The following CHD6 variants were observed in gnomAD, a reference collection of about 807,000 sequenced individuals.
CHD6 encodes the protein ATP-dependent chromatin remodeler CHD6.
A neutral mutation model predicts 276.9 loss-of-function variants in CHD6; 50 were observed. The observed-to-expected ratio is 0.18, with a 90% CI of 0.14 to 0.23. CHD6 has a LOEUF of 0.23. Ranked by LOEUF, CHD6 falls within the 10% of genes least tolerant of loss-of-function variation. The probability of loss-of-function intolerance (pLI) is 1.00; values close to 1 mark genes in which losing one functional copy is unlikely to be tolerated. For synonymous variants in CHD6, 1,173 were observed against 1,229.3 expected (o/e 0.95, Z 0.96); for missense variants, 2,564 against 3,365.8 (o/e 0.76, Z 5.89).
chr20:41,518,065 A>G (rs369721172), intron 3 of CHD6, among the ~76,000 whole-genome samples: 97 of 152,338 alleles, frequency 6.4e-4, no homozygotes, highest in South Asian at 2.5e-3. Context: ...TCTCTTAGAA[A>G]AAGGTTTCTT....
intron 17 of CHD6, 79 bp from the exon 18 acceptor site, chr20:41,457,507 A>C (rs2048413158): frequency 1.3e-6 from 2 of 1,502,202 alleles, no homozygotes; most frequent in Non-Finnish European, 1.8e-6. Context: ...GGAGTGCTTA[A>C]ATGTCATGTG....
intron 2 of CHD6, among the ~76,000 whole-genome samples, chr20:41,549,504 GA>G (rs2045111027): frequency 1.1e-5 from 1 of 90,088 alleles, no homozygotes; most frequent in Non-Finnish European, 2.0e-5. Flanking sequence ...GGGGTGGGGG[GA>G]GGGGGGAGGG....
chr20:41,493,059 T>C (rs2043593872), intron 10 of CHD6, among the ~76,000 whole-genome samples: 1 of 152,204 alleles, frequency 6.6e-6, no homozygotes, highest in Admixed American at 6.5e-5. Context: ...AATTCAATAA[T>C]GTTTATCAAA....
In CHD6 at chr20:41,440,650, C is replaced by T. The variant is rs550813497; in HGVS notation, c.3878-521G>A. 1.1e-4 allele frequency among the ~76,000 whole-genome samples: 17 copies of T among 152,292 alleles called. No homozygotes were observed. The East Asian group carries it at 2.7e-3, about 24-fold the overall frequency. ...AAATCTTAATCCACACTGGCCAGGG[C>T]TTTGGAATTACTCCTCATCACACCC... On this transcript the variant is annotated intron_variant, in intron 25 of 36. Coordinates refer to ENST00000373233, the MANE Select transcript of CHD6 (RefSeq NM_032221.5).
rs1226828367 is a variant in CHD6 at position 41,490,026 on chromosome 20, A to C, written c.1437-5T>G. 6.2e-7 allele frequency: 1 copy of C among 1,612,162 alleles called. No homozygotes were observed. The highest frequency in any genetic ancestry group is 1.3e-5 in the African/African-American group (1 of 74,990). ...TCAGCCAAAATACAGTTTTTTCTGC[A>C]GAGAGTGAGAAATATAGGTAATTCA... On this transcript the variant is annotated splice_region_variant and splice_polypyrimidine_tract_variant and intron_variant, in intron 11 of 36. Transcript: ENST00000373233.
At position 41,403,178 on chromosome 20, in the gene CHD6, A is replaced by G. The variant is rs1360186854; in HGVS notation, c.*1415T>C. 1 of 832,808 alleles carries G rather than the reference A, an allele frequency of 1.2e-6. No individual in the cohort carries two copies. Among genetic ancestry groups the G allele is most frequent in the Non-Finnish European group, 1.5e-6 (1 of 669,038 alleles). 51.6% of individuals were successfully genotyped at this position (832,808 alleles called of 1,614,324 possible). On this transcript the variant is annotated 3_prime_UTR_variant, in exon 37 of 37. Coordinates refer to ENST00000373233, the MANE Select transcript of CHD6 (RefSeq NM_032221.5). ...AGCAAAACTGTAACAGAAAAAGTAA[A>G]AAATACAGTAAATTGTGACAACAAA...
chr20:41,533,963 G>C (rs780943909), intron 2 of CHD6, among the ~76,000 whole-genome samples: 15 of 152,220 alleles, frequency 9.9e-5, no homozygotes, highest in Non-Finnish European at 2.1e-4. Context: ...GAAAGGATGT[G>C]TCACAGGTGC....
Position 41,416,808 on chromosome 20 carries a change from T to G in CHD6, c.6280-14A>C, listed in dbSNP as rs1371460299. ...TATCACGCGGTCCTAGAAAAAAGGA[T>G]AAAGCTCTGATGAATAAGGATCGAG... is the stretch of plus-strand genomic sequence containing the variant. On this transcript the variant is annotated splice_polypyrimidine_tract_variant and intron_variant, in intron 32 of 36. Transcript: ENST00000373233. The G allele has an allele frequency of 1.3e-6, 2 of 1,519,322 alleles. No homozygotes were observed. Among genetic ancestry groups the G allele is most frequent in the African/African-American group, 2.8e-5 (2 of 72,154 alleles). 94.1% of individuals were successfully genotyped at this position (1,519,322 alleles called of 1,614,324 possible). A position where few individuals can be genotyped will look rare whatever the true frequency, so the allele number is the denominator to read the frequency against.
intron 1 of CHD6, among the ~76,000 whole-genome samples, chr20:41,600,924 A>G (rs1205804705): frequency 6.6e-6 from 1 of 152,200 alleles, no homozygotes; most frequent in Non-Finnish European, 1.5e-5. Flanking sequence ...CTGTTGAGGC[A>G]TAGGATCCCA....
chr20:41,468,497 T>C (rs2042980840), intron 17 of CHD6, among the ~76,000 whole-genome samples: 1 of 152,224 alleles, frequency 6.6e-6, no homozygotes, highest in Non-Finnish European at 1.5e-5. Context: ...CCTCATTTAT[T>C]GTCTGCCTAT....
At chr20:41,545,953 C>T (rs975472962) in intron 2 of CHD6, among the ~76,000 whole-genome samples, 2 of 152,160 alleles carry the variant, frequency 1.3e-5, no homozygotes, top group Non-Finnish European at 2.9e-5. Flanking sequence ...GGCCCCCATA[C>T]TCTCCAATTC....
intron 4 of CHD6, among the ~76,000 whole-genome samples, chr20:41,513,858 C>T (rs575991583): frequency 6.6e-6 from 1 of 152,178 alleles, no homozygotes; most frequent in Non-Finnish European, 1.5e-5. Flanking sequence ...CACTTCTTCA[C>T]TAAGTTACCT....
chr20:41,413,297 T>C, intron 35 of CHD6, 27 bp downstream of exon 35: 1 of 1,528,142 alleles, frequency 6.5e-7, no homozygotes, highest in Non-Finnish European at 8.8e-7. Flanking sequence ...TAAACAGTGA[T>C]CTCAGGCAGT....
At chr20:41,602,844 G>A (rs528900866) in intron 1 of CHD6, among the ~76,000 whole-genome samples, 255 of 152,088 alleles carry the variant, frequency 1.7e-3, no homozygotes, top group African/African-American at 5.8e-3. Context: ...ACCACACCGG[G>A]CTAATTTTTA....
intron 1 of CHD6, among the ~76,000 whole-genome samples, chr20:41,557,687 A>C (rs956976308): frequency 1.3e-5 from 2 of 152,122 alleles, no homozygotes; most frequent in Non-Finnish European, 2.9e-5. Flanking sequence ...TACCCAGCAG[A>C]CCCCTACCAA....
intron 25 of CHD6, among the ~76,000 whole-genome samples, chr20:41,442,034 A>C (rs531658086): frequency 1.3e-5 from 2 of 152,324 alleles, no homozygotes; most frequent in Admixed American, 6.5e-5. Flanking sequence ...CTGCAGGCTA[A>C]AGCTCCAACC....
At chr20:41,593,203 G>GT (rs1491526457) in intron 1 of CHD6, among the ~76,000 whole-genome samples, 1 of 37,124 alleles carries the variant, frequency 2.7e-5, no homozygotes, top group Non-Finnish European at 4.6e-5. Context: ...CAATCAAAAA[G>GT]GGGGGGGGGG....
chr20:41,515,084 G>T, intron 3 of CHD6, 132 bp from the exon 4 acceptor site: 1 of 879,642 alleles, frequency 1.1e-6, no homozygotes, highest in Non-Finnish European at 1.8e-6. Context: ...ATCTACAAGA[G>T]TTTCTTCCAA....
chr20:41,436,324 C>T (rs1186519238), intron 27 of CHD6, among the ~76,000 whole-genome samples: 2 of 152,132 alleles, frequency 1.3e-5, no homozygotes, highest in East Asian at 1.9e-4. Flanking sequence ...TACACACCTA[C>T]CAGAATGGCT....
Sources: gnomAD v4.1 joint callset for allele counts (sites outside exome capture counted in the v4.1 genomes callset) on GRCh38, gnomAD v4.1.1 for gene constraint, MANE v1.5 for transcripts, NCBI Gene and HGNC (gene_info 2026-07-23, HGNC 2026-07-21) for gene names.